The following POU4F2 variants were observed in gnomAD, a reference collection of about 807,000 sequenced individuals.
POU4F2 encodes POU class 4 homeobox 2.
Under a neutral mutation model 21.5 loss-of-function variants are expected in POU4F2, and 10 were observed. The ratio of observed to expected loss-of-function variants is 0.46; its 90% confidence interval spans 0.29 to 0.79. POU4F2 has a LOEUF of 0.79. Ranked by LOEUF, POU4F2 falls within the 30% of genes least tolerant of loss-of-function variation. The probability of loss-of-function intolerance (pLI) is 0.10; values close to 1 mark genes in which losing one functional copy is unlikely to be tolerated. For synonymous variants in POU4F2, 324 were observed against 271.1 expected (o/e 1.20, Z -1.92); for missense variants, 623 against 603.3 (o/e 1.03, Z -0.34).
chr4:146,639,132 G>T lies in POU4F2; in HGVS notation c.-9G>T. ...GCCTCTACGGACCAGCGCCCCGGCG[G>T]GCGGGAAGATGATGATGATGTCCCT... On this transcript the variant is annotated 5_prime_UTR_variant, in exon 1 of 2. Transcript: ENST00000281321. 1 of 1,601,720 alleles carries T rather than the reference G, an allele frequency of 6.2e-7. No individual in the cohort carries two copies. Among genetic ancestry groups the T allele is most frequent in the Non-Finnish European group, 8.5e-7 (1 of 1,175,124 alleles).
rs768798955 is a variant in POU4F2 at position 146,640,782 on chromosome 4, A to C, written c.1204A>C (p.Arg402=). ...WFCNQRQKQK[R]MKYSAGI ...CTGCAACCAGAGGCAGAAACAGAAA[A>C]GAATGAAATATTCCGCCGGCATTTA... The change falls in exon 2 of 2, where the codon AGA becomes CGA. Residue 402 remains arginine (R), a synonymous_variant. Transcript: ENST00000281321. This position sits in a 1 kb window ranked among gnomAD's most constrained non-coding sequence, Gnocchi z 4.8. 3 of 1,609,612 alleles carry C rather than the reference A, an allele frequency of 1.9e-6. No homozygotes were observed. The South Asian group carries it at 3.3e-5, about 18-fold the overall frequency.
Position 146,641,083 on chromosome 4 carries a change from T to G in POU4F2, c.*275T>G. ...CCCACCTCGGCTTCTTCAGAGGAAG[T>G]GTGGAGATGGCTGTTTGCAGGAAGG... On this transcript the variant is annotated 3_prime_UTR_variant, in exon 2 of 2. Transcript: ENST00000281321. 2.9e-6 allele frequency: 1 copy of G among 340,548 alleles called. No homozygotes were observed. The highest frequency in any genetic ancestry group is 5.3e-6 in the Non-Finnish European group (1 of 190,430). 21.1% of individuals were successfully genotyped at this position (340,548 alleles called of 1,614,324 possible). A position where few individuals can be genotyped will look rare whatever the true frequency, so the allele number is the denominator to read the frequency against.
rs770874396 is a variant in POU4F2 at position 146,640,786 on chromosome 4, T to A, written c.1208T>A (p.Met403Lys). The stretch of plus-strand genomic sequence containing the variant: ...AACCAGAGGCAGAAACAGAAAAGAA[T>A]GAAATATTCCGCCGGCATTTAGAAG... ...FCNQRQKQKRMKYSAGI is the reference protein window; with the variant it reads ...FCNQRQKQKRKKYSAGI Residue 403 changes from methionine to lysine, a missense_variant, in exon 2 of 2, where the codon ATG becomes AAG. This residue lies in a region of POU4F2 where 523 missense variants were observed against 504.1 expected (regional missense o/e 1.04). Transcript: ENST00000281321. The surrounding 1 kb of genome is among the most constrained non-coding windows in gnomAD (Gnocchi z 4.8). 6.2e-7 allele frequency: 1 copy of A among 1,607,878 alleles called. No individual in the cohort carries two copies. The highest frequency in any genetic ancestry group is 8.5e-7 in the Non-Finnish European group (1 of 1,177,530).
Position 146,639,302 on chromosome 4 carries a change from TGGTGGC to T in POU4F2, c.165_170del (p.Gly67_Gly68del). 1 of 1,463,356 alleles carries T rather than the reference TGGTGGC, an allele frequency of 6.8e-7. No individual in the cohort carries two copies. Among genetic ancestry groups the T allele is most frequent in the Non-Finnish European group, 9.0e-7 (1 of 1,116,228 alleles). 90.6% of individuals were successfully genotyped at this position (1,463,356 alleles called of 1,614,324 possible). On this transcript the variant is annotated inframe_deletion, in exon 1 of 2. Transcript: ENST00000281321. Reference sequence around the variant, plus strand: ...CCCCCAGCAGCTCGAGCAACGCTGGTGGTGGCGGCGGCGGCGGCGGCGGCGGCGGCG... The same window carrying T: ...CCCCCAGCAGCTCGAGCAACGCTGGTGGCGGCGGCGGCGGCGGCGGCGGCG...
At position 146,639,295 on chromosome 4, in the gene POU4F2, A is replaced by C; in HGVS notation, c.155A>C (p.Asn52Thr). The C allele has an allele frequency of 1.3e-6, 2 of 1,493,768 alleles. No individual in the cohort carries two copies. The highest frequency in any genetic ancestry group is 1.8e-6 in the Non-Finnish European group (2 of 1,129,616). 92.5% of individuals were successfully genotyped at this position (1,493,768 alleles called of 1,614,324 possible). Residue 52 changes from asparagine (N) to threonine (T), a missense_variant, in exon 1 of 2, where the codon AAC (asparagine) becomes ACC (threonine). Asn to Thr is a moderately conservative substitution (Grantham distance 65). Around this residue, in one of 3 missense-constraint regions of POU4F2, gnomAD observed 94 missense variants for 74.1 expected, o/e 1.27. Coordinates refer to ENST00000281321, the MANE Select transcript of POU4F2 (RefSeq NM_004575.3). Reference sequence around the variant, plus strand: ...GCCAGCTCCCCCAGCAGCTCGAGCAACGCTGGTGGTGGCGGCGGCGGCGGC... The same window carrying C: ...GCCAGCTCCCCCAGCAGCTCGAGCACCGCTGGTGGTGGCGGCGGCGGCGGC... ...PSASSPSSSS[N>T]AGGGGGGGGG...
Position 146,642,377 on chromosome 4 carries a change from C to A in POU4F2, c.*1569C>A, listed in dbSNP as rs778678271. The A allele has an allele frequency of 1.3e-5, 2 of 151,862 alleles. No homozygotes were observed. Among genetic ancestry groups the A allele is most frequent in the Non-Finnish European group, 2.9e-5 (2 of 67,976 alleles). The allele number at this position is 151,862 out of a possible 1,614,324, so 9.4% of individuals were successfully genotyped here. A position where few individuals can be genotyped will look rare whatever the true frequency, so the allele number is the denominator to read the frequency against. Reference sequence around the variant, plus strand: ...GTATTAATTTATTTTTGGTGTTGTTCGATTGTCTTTCATTGAAGAGATAAT... The same window carrying A: ...GTATTAATTTATTTTTGGTGTTGTTAGATTGTCTTTCATTGAAGAGATAAT... On this transcript the variant is annotated 3_prime_UTR_variant, in exon 2 of 2. Coordinates refer to ENST00000281321, the MANE Select transcript of POU4F2 (RefSeq NM_004575.3).
rs1740808512 is a variant in POU4F2 at position 146,638,923 on chromosome 4, G to A, written c.-218G>A. 5 of 586,250 alleles carry A rather than the reference G, an allele frequency of 8.5e-6. No homozygotes were observed. The highest frequency in any genetic ancestry group is 1.4e-5 in the Non-Finnish European group (5 of 353,896). The allele number at this position is 586,250 out of a possible 1,614,324, so 36.3% of individuals were successfully genotyped here. ...CGGGTGCCGAGGTCTGCAGCTAGCG[G>A]CAAGCGGAGTCAGGCATCCGTTCAG... On this transcript the variant is annotated 5_prime_UTR_variant, in exon 1 of 2. Transcript: ENST00000281321.
Position 146,640,540 on chromosome 4 carries a change from CATGGCTCGAGG to C in POU4F2, c.964_974del (p.Trp322GlyfsTer13). 1 of 1,613,918 alleles carries C rather than the reference CATGGCTCGAGG, an allele frequency of 6.2e-7. No homozygotes were observed. The highest frequency in any genetic ancestry group is 8.5e-7 in the Non-Finnish European group (1 of 1,179,810). ...ATCGCGCTCAAACCCATCCTGCAGG[CATGGCTCGAGG>C]AGGCCGAGAAGTCCCACCGCGAGAA... On this transcript the variant is annotated frameshift_variant, in exon 2 of 2. Transcript: ENST00000281321. LOFTEE classifies it high-confidence loss of function. The surrounding 1 kb of genome is among the most constrained non-coding windows in gnomAD (Gnocchi z 4.8).
At position 146,639,903 on chromosome 4, in the gene POU4F2, G is replaced by T. The variant is rs780441210; in HGVS notation, c.325G>T (p.Ala109Ser). The T allele has an allele frequency of 6.4e-7, 1 of 1,571,838 alleles. No individual in the cohort carries two copies. Among genetic ancestry groups the T allele is most frequent in the Non-Finnish European group, 8.6e-7 (1 of 1,157,116 alleles). ...CGGCGGGCTGGATGAGAGTCTGCTGGCCCGCGCCGAGGCTCTGGCAGCCGT... is the reference window on the plus strand; with the variant it reads ...CGGCGGGCTGGATGAGAGTCTGCTGTCCCGCGCCGAGGCTCTGGCAGCCGT... ...IFGGLDESLL[A>S]RAEALAAVDI... is the part of the protein sequence containing the mutation. Residue 109 changes from alanine to serine, a missense_variant, in exon 2 of 2, where the codon GCC (alanine) becomes TCC (serine). Transcript: ENST00000281321.
Position 146,641,439 on chromosome 4 carries a change from T to G in POU4F2, c.*631T>G, listed in dbSNP as rs953001735. ...GAGTTGCGCCTGCTGTGTTCACTGA[T>G]CTTGAAAGCTATTATTAGATTATTG... On this transcript the variant is annotated 3_prime_UTR_variant, in exon 2 of 2. Transcript: ENST00000281321. 3 of 152,666 alleles carry G rather than the reference T, an allele frequency of 2.0e-5. No homozygotes were observed. Among genetic ancestry groups the G allele is most frequent in the African/African-American group, 7.2e-5 (3 of 41,466 alleles). 9.5% of individuals were successfully genotyped at this position (152,666 alleles called of 1,614,324 possible).
chr4:146,640,610 G>A lies in POU4F2; in HGVS notation c.1032G>A (p.Glu344=), dbSNP rs1445978650. The part of the protein sequence containing the change: ...LTKPELFNGA[E]KKRKRTSIAA... ...AGCCTGAACTCTTCAATGGCGCGGA[G>A]AAGAAGCGCAAGCGCACGTCCATCG... is the stretch of plus-strand genomic sequence containing the variant. The change falls in exon 2 of 2, where the codon GAG becomes GAA. Residue 344 remains glutamate (E), a synonymous_variant. Transcript: ENST00000281321. This position sits in a 1 kb window ranked among gnomAD's most constrained non-coding sequence, Gnocchi z 4.8. The A allele has an allele frequency of 2.5e-6, 4 of 1,614,186 alleles. No individual in the cohort carries two copies. The South Asian group carries it at 4.4e-5, about 18-fold the overall frequency.
chr4:146,642,374 G>A lies in POU4F2; in HGVS notation c.*1566G>A, dbSNP rs754792419. ...AATGTATTAATTTATTTTTGGTGTT[G>A]TTCGATTGTCTTTCATTGAAGAGAT... is the stretch of plus-strand genomic sequence containing the variant. On this transcript the variant is annotated 3_prime_UTR_variant, in exon 2 of 2. Transcript: ENST00000281321. 10 of 152,092 alleles carry A rather than the reference G, an allele frequency of 6.6e-5. No homozygotes were observed. The highest frequency in any genetic ancestry group is 2.2e-4 in the African/African-American group (9 of 41,422). The allele number at this position is 152,092 out of a possible 1,614,324, so 9.4% of individuals were successfully genotyped here.
Position 146,639,369 on chromosome 4 carries a change from G to A in POU4F2, c.229G>A (p.Gly77Ser). 2 of 1,473,102 alleles carry A rather than the reference G, an allele frequency of 1.4e-6. No individual in the cohort carries two copies. The highest frequency in any genetic ancestry group is 1.8e-6 in the Non-Finnish European group (2 of 1,119,296). The allele number at this position is 1,473,102 out of a possible 1,614,324, so 91.3% of individuals were successfully genotyped here. A position where few individuals can be genotyped will look rare whatever the true frequency, so the allele number is the denominator to read the frequency against. ...GGRSSSSSSS[G>S]SSGGGGSEAM... ...CCGAAGCAGCAGCTCCAGCAGCAGT[G>A]GCAGCAGCGGCGGCGGGGGCTCGGA... Residue 77 changes from glycine to serine, a missense_variant, in exon 1 of 2, where the codon GGC becomes AGC. Gly to Ser is a moderately conservative substitution (Grantham distance 56, BLOSUM62 0). Around this residue, in one of 3 missense-constraint regions of POU4F2, gnomAD observed 523 missense variants for 504.1 expected, o/e 1.04. Transcript: ENST00000281321.
rs1387047611 is a variant in POU4F2 at position 146,640,831 on chromosome 4, A to G, written c.*23A>G. ...TAGAAGACTCTTGGCCTCTCCAGAG[A>G]CGCCCCTTTCCTCGTCCGCTCTTTT... On this transcript the variant is annotated 3_prime_UTR_variant, in exon 2 of 2. Coordinates refer to ENST00000281321, the MANE Select transcript of POU4F2 (RefSeq NM_004575.3). This position sits in a 1 kb window ranked among gnomAD's most constrained non-coding sequence, Gnocchi z 4.8. 16 of 1,550,802 alleles carry G rather than the reference A, an allele frequency of 1.0e-5. No homozygotes were observed. Among genetic ancestry groups the G allele is most frequent in the Non-Finnish European group, 1.4e-5 (16 of 1,151,440 alleles).
In POU4F2 at chr4:146,640,331, G is replaced by A; in HGVS notation, c.753G>A (p.Val251=). 6.3e-7 allele frequency: 1 copy of A among 1,579,592 alleles called. No homozygotes were observed. Among genetic ancestry groups the A allele is most frequent in the Non-Finnish European group, 8.6e-7 (1 of 1,166,696 alleles). The stretch of plus-strand genomic sequence containing the variant: ...CGCACATGGGCTGCATGAGCGACGT[G>A]GACGCCGACCCGCGGGACCTGGAGG... ...LPSHMGCMSD[V]DADPRDLEAF... Residue 251 remains valine (V), a synonymous_variant, in exon 2 of 2, where the codon GTG becomes GTA. Coordinates refer to ENST00000281321, the MANE Select transcript of POU4F2 (RefSeq NM_004575.3). This position sits in a 1 kb window ranked among gnomAD's most constrained non-coding sequence, Gnocchi z 4.8.
intron 1 of POU4F2, 83 bp downstream of exon 1, chr4:146,639,511 C>G (rs1423637669): frequency 1.4e-6 from 2 of 1,437,166 alleles, no homozygotes; most frequent in Non-Finnish European, 1.8e-6. Flanking sequence ...CATGTCTGCA[C>G]AGCAAATCAC....
chr4:146,640,238 G>A lies in POU4F2; in HGVS notation c.660G>A (p.Pro220=). The A allele has an allele frequency of 1.9e-6, 3 of 1,579,904 alleles. No individual in the cohort carries two copies. Among genetic ancestry groups the A allele is most frequent in the South Asian group, 1.1e-5 (1 of 86,958 alleles). The change falls in exon 2 of 2, where the codon CCG becomes CCA. Residue 220 remains proline (P), a synonymous_variant. Coordinates refer to ENST00000281321, the MANE Select transcript of POU4F2 (RefSeq NM_004575.3). The surrounding 1 kb of genome is among the most constrained non-coding windows in gnomAD (Gnocchi z 4.8). Reference sequence around the variant, plus strand: ...TGGTGTCCACGCCGGCTCACGCGCCGCACATGGCCACCATGAACCCCATGC... The same window carrying A: ...TGGTGTCCACGCCGGCTCACGCGCCACACATGGCCACCATGAACCCCATGC... ...GAVVSTPAHA[P]HMATMNPMHQ... is the part of the protein sequence containing the mutation.
chr4:146,642,252 G>T lies in POU4F2; in HGVS notation c.*1444G>T, dbSNP rs1226128137. 2 of 152,250 alleles carry T rather than the reference G, an allele frequency of 1.3e-5. No homozygotes were observed. Among genetic ancestry groups the T allele is most frequent in the South Asian group, 2.1e-4 (1 of 4,826 alleles). 9.4% of individuals were successfully genotyped at this position (152,250 alleles called of 1,614,324 possible). On this transcript the variant is annotated 3_prime_UTR_variant, in exon 2 of 2. Coordinates refer to ENST00000281321, the MANE Select transcript of POU4F2 (RefSeq NM_004575.3). ...ACATAGATATATTCTTACAAATTTT[G>T]CTGTATTGCTGTTCTCTTTGAGGCT...
rs1740811829 is a variant in POU4F2, at chr4:146,639,017, G to A, written c.-124G>A. On this transcript the variant is annotated 5_prime_UTR_variant, in exon 1 of 2. Transcript: ENST00000281321. ...CGTACAGAGTCCGGAGGCGGCGGCG[G>A]GTGAGCTCAACTTCGCACAGCCCTT... The A allele has an allele frequency of 3.9e-6, 5 of 1,283,280 alleles. No individual in the cohort carries two copies. In the East Asian group the frequency reaches 1.2e-4, roughly 30 times the overall value. 79.5% of individuals were successfully genotyped at this position (1,283,280 alleles called of 1,614,324 possible). A position where few individuals can be genotyped will look rare whatever the true frequency, so the allele number is the denominator to read the frequency against.
Sources: allele counts gnomAD v4.1 joint callset, GRCh38; gene constraint gnomAD v4.1.1; regional missense constraint gnomAD v4.1.1; non-coding constraint Gnocchi (gnomAD v3.1); transcripts MANE v1.5; gene names NCBI Gene and HGNC (gene_info 2026-07-23, HGNC 2026-07-21).